The following CCBE1 variants were observed in gnomAD, a reference collection of about 807,000 sequenced individuals.
CCBE1 encodes collagen and calcium-binding EGF domain-containing protein 1.
A neutral mutation model predicts 50.0 loss-of-function variants in CCBE1; 37 were observed. The observed-to-expected ratio is 0.74, with a 90% CI of 0.57 to 0.97. The LOEUF is 0.97. CCBE1 is among the 50% of genes least tolerant of loss of function. The pLI is 0.00. For missense variants in CCBE1, 538 were observed against 523.8 expected, an observed-to-expected ratio of 1.03 and a Z score of -0.26; for synonymous variants, 234 against 203.7, an observed-to-expected ratio of 1.15 and a Z score of -1.27.
In CCBE1 at chr18:59,435,860, A is replaced by C; in HGVS notation, c.*48T>G. 6 of 1,495,936 alleles carry C rather than the reference A, an allele frequency of 4.0e-6. No individual in the cohort carries two copies. Among genetic ancestry groups the C allele is most frequent in the Non-Finnish European group, 5.6e-6 (6 of 1,072,128 alleles). The allele number at this position is 1,495,936 out of a possible 1,614,324, so 92.7% of individuals were successfully genotyped here. On this transcript the variant is annotated 3_prime_UTR_variant, in exon 11 of 11. Coordinates refer to ENST00000439986, the MANE Select transcript of CCBE1 (RefSeq NM_133459.4). ...TCTTCTCTTTAGATGGTTTAACTGC[A>C]GGTGAGTTGATCTTTCTCTTCCTTT... is the stretch of plus-strand genomic sequence containing the variant.
chr18:59,604,394 G>A (rs73961277), intron 2 of CCBE1, among the ~76,000 whole-genome samples: 2,048 of 152,264 alleles, frequency 0.013, 51 homozygotes, highest in African/African-American at 0.043. Context: ...CATTTTCACA[G>A]GGCTAGGGGT....
chr18:59,508,823 C>A (rs1421100764), intron 2 of CCBE1, among the ~76,000 whole-genome samples: 1 of 146,990 alleles, frequency 6.8e-6, no homozygotes, highest in African/African-American at 2.5e-5. Flanking sequence ...ATCAAGCAAT[C>A]CTCTCACCTC....
At chr18:59,460,727 T>A (rs1237382057) in intron 5 of CCBE1, among the ~76,000 whole-genome samples, 1 of 151,692 alleles carries the variant, frequency 6.6e-6, no homozygotes, top group East Asian at 1.9e-4. Flanking sequence ...AGATCGGGAG[T>A]TCGAGACCAG....
At chr18:59,589,509 C>G (rs909834649) in intron 2 of CCBE1, among the ~76,000 whole-genome samples, 11 of 152,022 alleles carry the variant, frequency 7.2e-5, no homozygotes, top group African/African-American at 2.4e-4. Flanking sequence ...ATGTTACACA[C>G]CATGGGCCAG....
chr18:59,536,279 T>G (rs77311423), intron 2 of CCBE1, among the ~76,000 whole-genome samples: 9,916 of 152,220 alleles, frequency 0.065, 939 homozygotes, highest in East Asian at 0.43. Context: ...GTGCCCAGCA[T>G]CCGCATAGAG....
intron 2 of CCBE1, among the ~76,000 whole-genome samples, chr18:59,545,914 C>A (rs895938754): frequency 3.9e-5 from 6 of 151,932 alleles, no homozygotes; most frequent in Non-Finnish European, 8.8e-5. Context: ...ACCTCTTTTT[C>A]TTCTGAGTCT....
At chr18:59,590,745 G>C (rs1001414443) in intron 2 of CCBE1, among the ~76,000 whole-genome samples, 1 of 152,188 alleles carries the variant, frequency 6.6e-6, no homozygotes, top group Non-Finnish European at 1.5e-5. Flanking sequence ...ATGAAACATG[G>C]TAACTCAAAT....
At chr18:59,658,506 T>C (rs1350016828) in intron 2 of CCBE1, among the ~76,000 whole-genome samples, 1 of 143,484 alleles carries the variant, frequency 7.0e-6, no homozygotes, top group Admixed American at 7.1e-5. Context: ...AGCTCAAGGC[T>C]GCAGTGAGCT....
intron 2 of CCBE1, among the ~76,000 whole-genome samples, chr18:59,692,093 A>G (rs2144751822): frequency 6.6e-6 from 1 of 152,306 alleles, no homozygotes; most frequent in Middle Eastern, 3.4e-3. Flanking sequence ...GCATCTGCAA[A>G]CGAGTGATGT....
At chr18:59,504,302 C>CCAATGTCCAAACTTT (rs1416181760) in intron 2 of CCBE1, among the ~76,000 whole-genome samples, 2 of 151,904 alleles carry the variant, frequency 1.3e-5, no homozygotes, top group Non-Finnish European at 2.9e-5. Flanking sequence ...ACATTGTAAT[C>CCAATGTCCAAACTTT]TAGGTTTATT....
At position 59,466,344 on chromosome 18, in the gene CCBE1, G is replaced by A. The variant is rs141122827; in HGVS notation, c.553+395C>T. ...TACAAGGGGCAGTTCTCCGGTACAC[G>A]TTCTCTTGCCTGCAACCGTGTAAGA... On this transcript the variant is annotated intron_variant, in intron 5 of 10. Transcript: ENST00000439986. 1.8e-4 allele frequency among the ~76,000 whole-genome samples: 28 copies of A among 152,006 alleles called. No individual in the cohort carries two copies. The East Asian group carries it at 2.3e-3, about 13-fold the overall frequency.
intron 2 of CCBE1, among the ~76,000 whole-genome samples, chr18:59,509,402 T>C (rs1324125368): frequency 6.6e-6 from 1 of 152,196 alleles, no homozygotes; most frequent in African/African-American, 2.4e-5. Flanking sequence ...AATGATACTA[T>C]CTATAAACTG....
chr18:59,543,654 T>A (rs539970966), intron 2 of CCBE1, among the ~76,000 whole-genome samples: 1 of 151,746 alleles, frequency 6.6e-6, no homozygotes, highest in Admixed American at 6.6e-5. Flanking sequence ...GCTAACAGGG[T>A]GAAACCCCGT....
chr18:59,615,032 A>G (rs1268128921), intron 2 of CCBE1, among the ~76,000 whole-genome samples: 1 of 152,186 alleles, frequency 6.6e-6, no homozygotes, highest in African/African-American at 2.4e-5. Context: ...CCAATGACAA[A>G]TGCCTGACAA....
chr18:59,558,962 A>C (rs1468721236), intron 2 of CCBE1, among the ~76,000 whole-genome samples: 1 of 152,188 alleles, frequency 6.6e-6, no homozygotes, highest in Non-Finnish European at 1.5e-5. Context: ...CTTTCTGTTC[A>C]TCCACTCACT....
intron 4 of CCBE1, among the ~76,000 whole-genome samples, chr18:59,467,913 G>A (rs1024787791): frequency 6.6e-6 from 1 of 152,212 alleles, no homozygotes; most frequent in Non-Finnish European, 1.5e-5. Context: ...ACCGGATGTT[G>A]CAGCTGCATC....
chr18:59,646,804 A>G (rs1050167441), intron 2 of CCBE1, among the ~76,000 whole-genome samples: 3 of 152,240 alleles, frequency 2.0e-5, no homozygotes, highest in African/African-American at 7.2e-5. Context: ...ATGCTGGTCC[A>G]TGTGTTTTAA....
chr18:59,656,715 A>C lies in CCBE1; in HGVS notation c.212+39914T>G, dbSNP rs942685773. On this transcript the variant is annotated intron_variant, in intron 2 of 10. Transcript: ENST00000439986. ...TTTTTAGTGATAGAGTTGTAAACAC[A>C]AGACTTATTTTGTCTAAAGAGCAAA... 2.7e-4 allele frequency among the ~76,000 whole-genome samples: 41 copies of C among 152,224 alleles called. 2 individuals are homozygous for C. The highest frequency in any genetic ancestry group is 2.7e-3 in the Admixed American group (41 of 15,278).
chr18:59,545,170 G>C (rs775050265), intron 2 of CCBE1, among the ~76,000 whole-genome samples: 10 of 152,088 alleles, frequency 6.6e-5, no homozygotes, highest in Non-Finnish European at 1.2e-4. Context: ...GGACCTTCCT[G>C]GACTCTCTTA....
Sources: allele counts gnomAD v4.1 joint callset (sites outside exome capture counted in the v4.1 genomes callset), GRCh38; gene constraint gnomAD v4.1.1; transcripts MANE v1.5; gene names NCBI Gene and HGNC (gene_info 2026-07-23, HGNC 2026-07-21).